The following ZNF609 variants were observed in gnomAD, a reference collection of about 807,000 sequenced individuals.
ZNF609 encodes zinc finger protein 609.
In ZNF609, 11 loss-of-function variants were observed where a neutral mutation model predicts 109.5. That is an observed-to-expected ratio of 0.10 (90% CI 0.06 to 0.17). ZNF609 has a LOEUF of 0.17. Ranked by LOEUF, ZNF609 falls within the 10% of genes least tolerant of loss-of-function variation. ZNF609 has a pLI of 1.00. For synonymous variants in ZNF609, 646 were observed against 662.0 expected (o/e 0.98, Z 0.37); for missense variants, 1,559 against 1,772.4 (o/e 0.88, Z 2.16).
rs548828658 is a variant in ZNF609, at chr15:64,603,167, G to A, written c.748-19660G>A. ...CCAATAATTTGCCATTGTTGCTGTT[G>A]CTACTGTTGTGTTCTTGCATCTCCT... On this transcript the variant is annotated intron_variant, in intron 2 of 9. Coordinates refer to ENST00000326648, the MANE Select transcript of ZNF609 (RefSeq NM_015042.2). 5.3e-5 allele frequency among the ~76,000 whole-genome samples: 8 copies of A among 151,832 alleles called. No homozygotes were observed. The East Asian group carries it at 1.2e-3, about 22-fold the overall frequency.
chr15:64,474,859 T>C (rs897506896), intron 1 of ZNF609, among the ~76,000 whole-genome samples: 32 of 152,200 alleles, frequency 2.1e-4, no homozygotes, highest in Non-Finnish European at 4.4e-5. Context: ...CTTCGATGGT[T>C]CCCATTGCCT....
At chr15:64,680,561 TTGTGTGTG>T (rs147044397) in intron 7 of ZNF609, 77 bp from the exon 8 acceptor site, 18 of 1,133,830 alleles carry the variant, frequency 1.6e-5, no homozygotes, top group East Asian at 7.4e-5. Context: ...GGCATCTCAC[TTGTGTGTG>T]TGTGTGTGTG....
chr15:64,676,123 C>T lies in ZNF609; in HGVS notation c.3269C>T (p.Pro1090Leu), dbSNP rs573349061. 6.1e-5 allele frequency: 99 copies of T among 1,614,166 alleles called. No individual in the cohort carries two copies. The highest frequency in any genetic ancestry group is 3.3e-4 in the Middle Eastern group (2 of 6,060). The change falls in exon 5 of 10, where the codon CCG becomes CTG. Residue 1090 changes from proline (P) to leucine (L), a missense_variant. By Grantham distance (98) the Pro-to-Leu change is moderately conservative (BLOSUM62 -3). This residue lies in a region of ZNF609 where 1,204 missense variants were observed against 1,314.1 expected (regional missense o/e 0.92). Coordinates refer to ENST00000326648, the MANE Select transcript of ZNF609 (RefSeq NM_015042.2). ...AAGTTAGATGACTCTTCAAAACTCC[C>T]GGGCCAGGCCCCTGAAGGCCTTAAA... is the stretch of plus-strand genomic sequence containing the variant. ...IPKLDDSSKLPGQAPEGLKVK... is the reference protein window; with the variant it reads ...IPKLDDSSKLLGQAPEGLKVK...
At chr15:64,579,722 C>A (rs1185560233) in intron 2 of ZNF609, among the ~76,000 whole-genome samples, 1 of 140,834 alleles carries the variant, frequency 7.1e-6, no homozygotes, top group East Asian at 2.2e-4. Context: ...AAAAAAAAAA[C>A]TTGTGTTTTT....
At chr15:64,536,903 C>CGCTGGGTGCGGTGG (rs1894156498) in intron 2 of ZNF609, among the ~76,000 whole-genome samples, 2 of 126,810 alleles carry the variant, frequency 1.6e-5, no homozygotes, top group African/African-American at 3.0e-5. Context: ...GAGAGAGACC[C>CGCTGGGTGCGGTGG]TGTCTCAAAA....
At position 64,657,612 on chromosome 15, in the gene ZNF609, C is replaced by CA. The variant is rs533575460; in HGVS notation, c.974-12725dup. On this transcript the variant is annotated intron_variant, in intron 3 of 9. Transcript: ENST00000326648. ...CTGGCGACAGAGGGAGACTCCGTCT[C>CA]AAAAAAAAACAGCAGCGTTTGAGGT... Among the ~76,000 whole-genome samples the CA allele has an allele frequency of 7.5e-3, 1,119 of 149,264 alleles. 16 individuals carry two copies. The highest frequency in any genetic ancestry group is 0.024 in the African/African-American group (985 of 40,654).
intron 3 of ZNF609, among the ~76,000 whole-genome samples, chr15:64,662,946 C>T (rs1896600739): frequency 6.6e-6 from 1 of 152,152 alleles, no homozygotes; most frequent in African/African-American, 2.4e-5. Context: ...AGATTACAGG[C>T]ATGAGCCACC....
At chr15:64,567,532 G>C (rs552993082) in intron 2 of ZNF609, among the ~76,000 whole-genome samples, 2 of 151,952 alleles carry the variant, frequency 1.3e-5, no homozygotes, top group South Asian at 4.1e-4. Flanking sequence ...TTTACTTGCA[G>C]ATGTTTTCTT....
intron 2 of ZNF609, among the ~76,000 whole-genome samples, chr15:64,594,271 G>GTT (rs200391184): frequency 2.4e-4 from 36 of 151,658 alleles, no homozygotes; most frequent in African/African-American, 8.5e-4. Context: ...GTTTTGTTTT[G>GTT]TTTTTTTTGT....
intron 2 of ZNF609, among the ~76,000 whole-genome samples, chr15:64,572,706 A>G (rs1312870160): frequency 6.6e-6 from 1 of 151,722 alleles, no homozygotes; most frequent in Admixed American, 6.6e-5. Flanking sequence ...CAGCCTGACC[A>G]ACATGGAGAA....
At chr15:64,657,551 T>C (rs1436088663) in intron 3 of ZNF609, among the ~76,000 whole-genome samples, 2 of 151,990 alleles carry the variant, frequency 1.3e-5, no homozygotes, top group Non-Finnish European at 2.9e-5. Context: ...TAGACGGAGG[T>C]TGCAGTGAGC....
intron 2 of ZNF609, among the ~76,000 whole-genome samples, chr15:64,516,038 T>A (rs1341517973): frequency 6.6e-6 from 1 of 151,946 alleles, no homozygotes; most frequent in Admixed American, 6.6e-5. Flanking sequence ...CTGTCTGTAG[T>A]TGGTAGTAAA....
chr15:64,570,829 G>T (rs533303446), intron 2 of ZNF609, among the ~76,000 whole-genome samples: 1 of 151,968 alleles, frequency 6.6e-6, no homozygotes, highest in African/African-American at 2.4e-5. Flanking sequence ...AGTTCGAGAC[G>T]AGCCTGGCCA....
intron 2 of ZNF609, among the ~76,000 whole-genome samples, chr15:64,616,402 C>A (rs1029996997): frequency 6.6e-6 from 1 of 151,882 alleles, no homozygotes; most frequent in Non-Finnish European, 1.5e-5. Context: ...GTTATAATTA[C>A]TCTTTGTGGG....
Position 64,543,600 on chromosome 15 carries a change from T to C in ZNF609, c.747+43434T>C, listed in dbSNP as rs1253027144. Among the ~76,000 whole-genome samples the C allele has an allele frequency of 5.3e-5, 8 of 151,872 alleles. No individual in the cohort carries two copies. The East Asian group carries it at 1.3e-3, about 26-fold the overall frequency. On this transcript the variant is annotated intron_variant, in intron 2 of 9. Coordinates refer to ENST00000326648, the MANE Select transcript of ZNF609 (RefSeq NM_015042.2). ...TGGGATTACAGGCGCCCTGCCACCA[T>C]GCCCGGCTAATTTTTGTATTGTTAG...
chr15:64,685,745 G>C lies in ZNF609; in HGVS notation c.*4059G>C, dbSNP rs747124944. On this transcript the variant is annotated 3_prime_UTR_variant, in exon 10 of 10. Transcript: ENST00000326648. The stretch of plus-strand genomic sequence containing the variant: ...GGAAAACTACCCCTAAAACTCCCCC[G>C]ACATTCCAGCCTCTAGAATGCTCTG... 1 of 152,632 alleles carries C rather than the reference G, an allele frequency of 6.6e-6. No individual in the cohort carries two copies. The highest frequency in any genetic ancestry group is 1.5e-5 in the Non-Finnish European group (1 of 68,088). 9.5% of individuals were successfully genotyped at this position (152,632 alleles called of 1,614,324 possible).
At chr15:64,576,388 C>G (rs968796116) in intron 2 of ZNF609, among the ~76,000 whole-genome samples, 1 of 151,714 alleles carries the variant, frequency 6.6e-6, no homozygotes, top group Non-Finnish European at 1.5e-5. Flanking sequence ...ACAGATTTCT[C>G]TAGTCATGTG....
At chr15:64,476,810 G>A (rs1052076299) in intron 1 of ZNF609, among the ~76,000 whole-genome samples, 1 of 152,116 alleles carries the variant, frequency 6.6e-6, no homozygotes, top group African/African-American at 2.4e-5. Flanking sequence ...TGATGGGTGA[G>A]GTAGGCCTCT....
chr15:64,529,799 C>T (rs1223910907), intron 2 of ZNF609: 7 of 456,624 alleles, frequency 1.5e-5, no homozygotes, highest in Non-Finnish European at 2.1e-5. Context: ...GGTGCAACCT[C>T]GGCTCACCAC....
Sources: gnomAD v4.1 joint callset for allele counts (sites outside exome capture counted in the v4.1 genomes callset) on GRCh38, gnomAD v4.1.1 for gene constraint, gnomAD v4.1.1 regional missense constraint, MANE v1.5 for transcripts, NCBI Gene and HGNC (gene_info 2026-07-23, HGNC 2026-07-21) for gene names.